MYO18A: variants seen among roughly 807,000 people sequenced by gnomAD.
MYO18A encodes unconventional myosin-XVIIIa.
In MYO18A, 78 loss-of-function variants were observed where a neutral mutation model predicts 235.8. The observed-to-expected ratio is 0.33, with a 90% confidence interval of 0.28 to 0.40. MYO18A has a LOEUF of 0.40. Ranked by LOEUF, MYO18A falls within the 10% of genes least tolerant of loss-of-function variation. The pLI is 1.00. For synonymous variants in MYO18A, 977 were observed against 1,077.8 expected (o/e 0.91, Z 1.83); for missense variants, 2,215 against 2,699.3 (o/e 0.82, Z 3.98).
intron 1 of MYO18A, among the ~76,000 whole-genome samples, chr17:29,175,968 G>T (rs967491763): frequency 2.0e-5 from 3 of 152,138 alleles, no homozygotes; most frequent in Non-Finnish European, 2.9e-5. Context: ...CTGAGGCAGA[G>T]AATTGCTTGA....
intron 32 of MYO18A, 105 bp downstream of exon 32, chr17:29,093,218 C>A (rs2066441295): frequency 1.7e-6 from 2 of 1,145,894 alleles, no homozygotes; most frequent in South Asian, 2.9e-5. Flanking sequence ...GCAGCACCCC[C>A]ACCCCCGACA....
At chr17:29,094,524 G>T in intron 30 of MYO18A, 126 bp downstream of exon 30, 1 of 946,078 alleles carries the variant, frequency 1.1e-6, no homozygotes, top group Non-Finnish European at 1.6e-6. Flanking sequence ...CATTTTGTGA[G>T]TAGGTGAGTG....
chr17:29,120,681 G>A lies in MYO18A; in HGVS notation c.1663C>T (p.Arg555Cys), dbSNP rs756078390. The A allele has an allele frequency of 4.3e-5, 70 of 1,613,968 alleles. No individual in the cohort carries two copies. Among genetic ancestry groups the A allele is most frequent in the Middle Eastern group, 1.7e-4 (1 of 6,058 alleles). ...TCCAGGGAGAGGATCTGGGAGAAGC[G>A]GGTGGCATTGCCATTAATGATGGTG... is the stretch of plus-strand genomic sequence containing the variant. ...SPTIINGNAT[R>C]FSQILSLDFD... The change falls in exon 7 of 42, where the codon CGC (arginine) becomes TGC (cysteine). Residue 555 changes from arginine to cysteine, a missense_variant. Arg to Cys is a radical substitution (Grantham distance 180). Coordinates refer to ENST00000527372, the MANE Select transcript of MYO18A (RefSeq NM_078471.4). This position sits in a 1 kb window ranked among gnomAD's most constrained non-coding sequence, Gnocchi z 4.2.
chr17:29,094,896 T>C (rs780942034), intron 29 of MYO18A, 40 bp downstream of exon 29: 2 of 1,613,562 alleles, frequency 1.2e-6, no homozygotes, highest in East Asian at 4.5e-5. Flanking sequence ...CCCCAGGTTG[T>C]GAGGGGGACA....
rs2067060275 is a variant in MYO18A at position 29,116,363 on chromosome 17, G to A, written c.2050+81C>T. On this transcript the variant is annotated intron_variant, in intron 11 of 41. Coordinates refer to ENST00000527372, the MANE Select transcript of MYO18A (RefSeq NM_078471.4). ...AAAAAGCCACAGGGGAAAGGGAACA[G>A]CCCGCACAGACATATGTGCCTCAGC... 3.0e-5 allele frequency: 47 copies of A among 1,559,704 alleles called. 1 individual carries two copies. The South Asian group carries it at 5.1e-4, about 17-fold the overall frequency.
rs2067098130 is a variant in MYO18A, at chr17:29,117,348, G to C, written c.2038+697C>G. 6.6e-6 allele frequency among the ~76,000 whole-genome samples: 1 copy of C among 152,142 alleles called. No homozygotes were observed. Among genetic ancestry groups the C allele is most frequent in the Non-Finnish European group, 1.5e-5 (1 of 68,020 alleles). On this transcript the variant is annotated intron_variant, in intron 10 of 41. Coordinates refer to ENST00000527372, the MANE Select transcript of MYO18A (RefSeq NM_078471.4). The surrounding 1 kb of genome is among the most constrained non-coding windows in gnomAD (Gnocchi z 4.6). ...GTGGCCGCCACCCTGACATGCAAGA[G>C]GAAGATACGGAGCTACCCAACCAGT...
At chr17:29,129,470 C>A (rs189962377) in intron 2 of MYO18A, among the ~76,000 whole-genome samples, 1 of 152,308 alleles carries the variant, frequency 6.6e-6, no homozygotes, top group Admixed American at 6.5e-5. Flanking sequence ...CAAGGGACTG[C>A]CACTGGAAGG....
At position 29,097,432 on chromosome 17, in the gene MYO18A, G is replaced by C; in HGVS notation, c.4103-82C>G. 1.0e-5 allele frequency: 16 copies of C among 1,552,360 alleles called. 1 individual carries two copies. The South Asian group carries it at 1.8e-4, about 18-fold the overall frequency. On this transcript the variant is annotated intron_variant, in intron 26 of 41. Transcript: ENST00000527372. ...CAGAGGGGAAGGAGGATGGGGCAGG[G>C]GGAGCAGCAGGTGGAGTCAGCCAGG... is the stretch of plus-strand genomic sequence containing the variant.
chr17:29,133,027 G>A (rs1310834642), intron 2 of MYO18A, among the ~76,000 whole-genome samples: 2 of 152,266 alleles, frequency 1.3e-5, no homozygotes, highest in Admixed American at 1.3e-4. Flanking sequence ...ACGCAGTGCT[G>A]TTAACTTGGG....
intron 37 of MYO18A, 55 bp from the exon 38 acceptor site, chr17:29,087,176 G>GA (rs1424492244): frequency 2.6e-6 from 4 of 1,556,818 alleles, no homozygotes; most frequent in Admixed American, 1.8e-5. Context: ...CAGCCAGGCA[G>GA]AGGGAGGGTG....
At chr17:29,173,530 G>T (rs1219550639) in intron 1 of MYO18A, among the ~76,000 whole-genome samples, 1 of 151,804 alleles carries the variant, frequency 6.6e-6, no homozygotes, top group African/African-American at 2.4e-5. Context: ...TGGTACTACA[G>T]GCGCCCGCCA....
At chr17:29,129,401 T>TA (rs1303858625) in intron 2 of MYO18A, among the ~76,000 whole-genome samples, 1 of 152,154 alleles carries the variant, frequency 6.6e-6, no homozygotes, top group Non-Finnish European at 1.5e-5. Context: ...AGTGGACTGG[T>TA]ATACTCTAGC....
At chr17:29,142,350 AAATG>A (rs1481835393) in intron 2 of MYO18A, among the ~76,000 whole-genome samples, 1 of 152,248 alleles carries the variant, frequency 6.6e-6, no homozygotes, top group African/African-American at 2.4e-5. Context: ...TCCATTTGTT[AAATG>A]AATGAGTGAA....
chr17:29,085,981 C>A (rs1174941719), intron 39 of MYO18A, among the ~76,000 whole-genome samples: 1 of 152,228 alleles, frequency 6.6e-6, no homozygotes, highest in Non-Finnish European at 1.5e-5. Context: ...CCTGGTGCTA[C>A]CCCGCACTGC....
chr17:29,110,115 G>T lies in MYO18A; in HGVS notation c.3088-14C>A. ...GATGAGGGCGTCCTGCCGAGGGGAAGAGACTGCCCTCAGTGGGCTCTGATG... is the reference window on the plus strand; with the variant it reads ...GATGAGGGCGTCCTGCCGAGGGGAATAGACTGCCCTCAGTGGGCTCTGATG... On this transcript the variant is annotated splice_polypyrimidine_tract_variant and intron_variant, in intron 18 of 41. Transcript: ENST00000527372. 6.2e-7 allele frequency: 1 copy of T among 1,606,352 alleles called. No homozygotes were observed. Among genetic ancestry groups the T allele is most frequent in the South Asian group, 1.1e-5 (1 of 90,872 alleles).
chr17:29,166,397 G>T lies in MYO18A; in HGVS notation c.544C>A (p.Pro182Thr). The change falls in exon 2 of 42, where the codon CCA (proline) becomes ACA (threonine). Residue 182 changes from proline to threonine, a missense_variant. Physicochemically the swap from Pro to Thr is conservative, Grantham distance 38. Transcript: ENST00000527372. ...CGGTGCCCTGGTCGAGGGATGCCTG[G>T]GCCAGGATGCTGCACCAGCTGTCCC... Reference protein sequence around the residue: ...LEGQLVQHPGPGIPRPGHRSR... With the variant: ...LEGQLVQHPGTGIPRPGHRSR... 3 of 1,613,718 alleles carry T rather than the reference G, an allele frequency of 1.9e-6. No homozygotes were observed. Among genetic ancestry groups the T allele is most frequent in the Non-Finnish European group, 2.5e-6 (3 of 1,179,880 alleles).
chr17:29,170,622 T>C (rs2068379906), intron 1 of MYO18A, among the ~76,000 whole-genome samples: 1 of 152,208 alleles, frequency 6.6e-6, no homozygotes, highest in African/African-American at 2.4e-5. Flanking sequence ...TCTGCGTTTC[T>C]CTCCTCATCA....
chr17:29,174,956 T>C (rs1293002029), intron 1 of MYO18A, among the ~76,000 whole-genome samples: 1 of 152,248 alleles, frequency 6.6e-6, no homozygotes, highest in African/African-American at 2.4e-5. Flanking sequence ...GTTTATAATT[T>C]TGCTAAAATT....
At chr17:29,079,777 A>C (rs1598263204) in intron 41 of MYO18A, 2 of 930,758 alleles carry the variant, frequency 2.1e-6, no homozygotes, top group African/African-American at 1.8e-5. Flanking sequence ...CAGGCTGTCC[A>C]CCTCTTTCTT....
Sources: gnomAD v4.1 joint callset for allele counts (sites outside exome capture counted in the v4.1 genomes callset) on GRCh38, gnomAD v4.1.1 for gene constraint, Gnocchi (gnomAD v3.1) non-coding constraint, MANE v1.5 for transcripts, NCBI Gene and HGNC (gene_info 2026-07-23, HGNC 2026-07-21) for gene names.